Variants in IRAG1 observed in about 807,000 individuals in gnomAD.
IRAG1 encodes inositol 1,4,5-triphosphate receptor associated 1, also known as IP3R-associated cGMP kinase substrate.
IRAG1 carries 62 observed loss-of-function variants against 106.2 expected under a neutral mutation model. The observed-to-expected ratio is 0.58, with a 90% CI of 0.48 to 0.72. The LOEUF (loss-of-function observed/expected upper bound fraction) is 0.72. Among genes scored for constraint, IRAG1 ranks in the 30% least tolerant of loss-of-function variants. The pLI is 0.00. For missense variants in IRAG1, 1,064 were observed against 1,140.7 expected, an observed-to-expected ratio of 0.93 and a Z score of 0.97; for synonymous variants, 462 against 443.9, an observed-to-expected ratio of 1.04 and a Z score of -0.51.
At chr11:10,642,652 A>C (rs550517687) in intron 2 of IRAG1, among the ~76,000 whole-genome samples, 14 of 152,350 alleles carry the variant, frequency 9.2e-5, no homozygotes, top group African/African-American at 3.4e-4. Context: ...TCATGGTCTA[A>C]AACATTACAT....
chr11:10,593,615 T>A lies in IRAG1; in HGVS notation c.2068-16A>T, dbSNP rs761636040. ...GAGGCATATTCTGCAGGAAGAGAAGTGACCAGGCTCACTGTCTTGGAGGTA... is the reference window on the plus strand; with the variant it reads ...GAGGCATATTCTGCAGGAAGAGAAGAGACCAGGCTCACTGTCTTGGAGGTA... On this transcript the variant is annotated splice_polypyrimidine_tract_variant and intron_variant, in intron 16 of 20. Transcript: ENST00000423302. The A allele has an allele frequency of 1.3e-6, 2 of 1,594,462 alleles. No homozygotes were observed. The highest frequency in any genetic ancestry group is 4.5e-5 in the East Asian group (2 of 44,760).
Position 10,628,733 on chromosome 11 carries a change from C to A in IRAG1, c.652+18G>T. On this transcript the variant is annotated intron_variant, in intron 6 of 20. Coordinates refer to ENST00000423302, the MANE Select transcript of IRAG1 (RefSeq NM_130385.4). This position sits in a 1 kb window ranked among gnomAD's most constrained non-coding sequence, Gnocchi z 4.1. ...AGCGAGAGGCAGGGCAGGAAGTCCC[C>A]GGGCAGCTGGGCCTCACCTGGCGGG... The A allele has an allele frequency of 2.6e-6, 4 of 1,519,340 alleles. No homozygotes were observed. Among genetic ancestry groups the A allele is most frequent in the South Asian group, 2.6e-5 (2 of 78,218 alleles). 94.1% of individuals were successfully genotyped at this position (1,519,340 alleles called of 1,614,324 possible).
intron 1 of IRAG1, among the ~76,000 whole-genome samples, chr11:10,682,779 A>G (rs1428860857): frequency 6.6e-6 from 1 of 152,156 alleles, no homozygotes; most frequent in African/African-American, 2.4e-5. Flanking sequence ...AGACACTTTT[A>G]CTTTAAGCAA....
At chr11:10,655,696 T>C (rs1335684026) in intron 1 of IRAG1, among the ~76,000 whole-genome samples, 1 of 152,144 alleles carries the variant, frequency 6.6e-6, no homozygotes, top group Non-Finnish European at 1.5e-5. Context: ...ACCTGACGAT[T>C]CCATCCCAGG....
intron 1 of IRAG1, among the ~76,000 whole-genome samples, chr11:10,680,360 AGAAAGAAAGAAG>A (rs1411847439): frequency 2.8e-5 from 2 of 71,412 alleles, no homozygotes; most frequent in Admixed American, 1.7e-4. Flanking sequence ...AAAGAAAGAA[AGAAAGAAAGAAG>A]GAAGGAAGGA....
Position 10,680,341 on chromosome 11 carries a change from G to GA in IRAG1, c.67+13194dup, listed in dbSNP as rs1318160402. On this transcript the variant is annotated intron_variant, in intron 1 of 20. Coordinates refer to ENST00000423302, the MANE Select transcript of IRAG1 (RefSeq NM_130385.4). The stretch of plus-strand genomic sequence containing the variant: ...GGGAGGGGGGAAGGAAGGAAGGAAG[G>GA]AAGGAAAGAAAGAAAGAAAGAAAGA... Among the ~76,000 whole-genome samples the GA allele has an allele frequency of 1.0e-3, 97 of 95,738 alleles. 3 individuals carry two copies. Among genetic ancestry groups the GA allele is most frequent in the African/African-American group, 2.9e-3 (63 of 21,984 alleles). 62.8% of individuals were successfully genotyped at this position (95,738 alleles called of 152,430 possible). A position where few individuals can be genotyped will look rare whatever the true frequency, so the allele number is the denominator to read the frequency against.
intron 10 of IRAG1, chr11:10,617,297 T>C (rs1855508457): frequency 3.2e-6 from 2 of 622,678 alleles, no homozygotes; most frequent in South Asian, 1.4e-4. Context: ...ACAATAGTAC[T>C]GCAAATAAAA....
intron 14 of IRAG1, among the ~76,000 whole-genome samples, chr11:10,602,425 G>A (rs1257668387): frequency 6.6e-6 from 1 of 152,108 alleles, no homozygotes; most frequent in Non-Finnish European, 1.5e-5. Context: ...CCTCAGTAAG[G>A]GGCCCAAGGT....
At chr11:10,626,630 G>A in intron 8 of IRAG1, 47 bp from the exon 9 acceptor site, 1 of 1,536,960 alleles carries the variant, frequency 6.5e-7, no homozygotes, top group Non-Finnish European at 8.7e-7. Context: ...CAGGTTGAGG[G>A]GAAACAGGTG....
At chr11:10,682,170 A>G (rs950960283) in intron 1 of IRAG1, among the ~76,000 whole-genome samples, 2 of 152,254 alleles carry the variant, frequency 1.3e-5, no homozygotes, top group Non-Finnish European at 1.5e-5. Context: ...TAAAGAACTT[A>G]ACATAGTATT....
Position 10,659,401 on chromosome 11 carries a change from G to A in IRAG1, c.68-7219C>T, listed in dbSNP as rs1028248043. Among the ~76,000 whole-genome samples the A allele has an allele frequency of 3.9e-5, 6 of 152,280 alleles. No homozygotes were observed. Among genetic ancestry groups the A allele is most frequent in the East Asian group, 3.9e-4 (2 of 5,188 alleles). On this transcript the variant is annotated intron_variant, in intron 1 of 20. Transcript: ENST00000423302. This position sits in a 1 kb window ranked among gnomAD's most constrained non-coding sequence, Gnocchi z 4.1. ...GGCGGAGATGCAGGGAGAAAGCCTC[G>A]GTGGCAACAGAAAAGGGAGGATGAG... is the stretch of plus-strand genomic sequence containing the variant.
chr11:10,617,336 A>C, intron 10 of IRAG1: 1 of 240,878 alleles, frequency 4.2e-6, no homozygotes. Flanking sequence ...TTCCCCACAA[A>C]TACAGAAGGA....
At chr11:10,693,296 C>T (rs964150747) in intron 1 of IRAG1, among the ~76,000 whole-genome samples, 19 of 152,172 alleles carry the variant, frequency 1.2e-4, no homozygotes, top group African/African-American at 4.1e-4. Flanking sequence ...CACTTTCCAA[C>T]GGCAAGCAAA....
chr11:10,577,807 G>A (rs888775972), intron 20 of IRAG1, among the ~76,000 whole-genome samples: 1 of 152,162 alleles, frequency 6.6e-6, no homozygotes. Flanking sequence ...ACAGGTTTCC[G>A]TTCCATGCGG....
At chr11:10,674,197 AGAGC>A (rs1860469780) in intron 1 of IRAG1, among the ~76,000 whole-genome samples, 1 of 152,224 alleles carries the variant, frequency 6.6e-6, no homozygotes, top group Non-Finnish European at 1.5e-5. Context: ...GCAAGCACAG[AGAGC>A]GAGAGCTGGG....
intron 10 of IRAG1, among the ~76,000 whole-genome samples, chr11:10,618,016 A>C (rs1855558333): frequency 6.6e-6 from 1 of 152,144 alleles, no homozygotes; most frequent in Non-Finnish European, 1.5e-5. Context: ...AAGTGTCCTA[A>C]ATGAAATTCA....
At chr11:10,597,328 TA>T (rs1853437242) in intron 15 of IRAG1, among the ~76,000 whole-genome samples, 2 of 152,186 alleles carry the variant, frequency 1.3e-5, no homozygotes, top group Admixed American at 6.5e-5. Context: ...ATGTCTCCAA[TA>T]ATTTTTGTTT....
intron 1 of IRAG1, among the ~76,000 whole-genome samples, chr11:10,678,721 G>A (rs752997011): frequency 5.3e-5 from 8 of 152,218 alleles, no homozygotes; most frequent in Non-Finnish European, 7.3e-5. Context: ...TAGGCAACTG[G>A]TTGATGCTGG....
chr11:10,664,951 C>G (rs947675904), intron 1 of IRAG1, among the ~76,000 whole-genome samples: 4 of 152,226 alleles, frequency 2.6e-5, no homozygotes, highest in Non-Finnish European at 1.5e-5. Flanking sequence ...TATCCCCAGC[C>G]TTTTCTGTTT....
Sources: gnomAD v4.1 joint callset for allele counts (sites outside exome capture counted in the v4.1 genomes callset) on GRCh38, gnomAD v4.1.1 for gene constraint, Gnocchi (gnomAD v3.1) non-coding constraint, MANE v1.5 for transcripts, NCBI Gene and HGNC (gene_info 2026-07-23, HGNC 2026-07-21) for gene names.